Variants in HMGB1 observed in about 807,000 individuals in gnomAD.
The protein encoded by HMGB1 is high mobility group box 1.
For synonymous variants in HMGB1, 81 were observed against 84.0 expected (o/e 0.96, Z 0.19); for missense variants, 79 against 253.5 (o/e 0.31, Z 4.67).
chr13:30,485,034 CTTTTTTT>C (rs59990628), intron 1 of HMGB1, among the ~76,000 whole-genome samples: 1 of 134,568 alleles, frequency 7.4e-6, no homozygotes, highest in Admixed American at 7.8e-5. Flanking sequence ...TTTTCTTTTT[CTTTTTTT>C]TTTTTTTTGA....
chr13:30,529,061 T>G (rs982670242), intron 1 of HMGB1, among the ~76,000 whole-genome samples: 4 of 144,504 alleles, frequency 2.8e-5, no homozygotes, highest in African/African-American at 8.0e-5. Context: ...AAAAAAAGAT[T>G]GAATTTTGGA....
chr13:30,562,296 C>CA (rs59745521), intron 1 of HMGB1, among the ~76,000 whole-genome samples: 50 of 126,212 alleles, frequency 4.0e-4, no homozygotes, highest in African/African-American at 9.7e-4. Flanking sequence ...GACTCAGTCT[C>CA]AAAAAAAAAA....
intron 1 of HMGB1, among the ~76,000 whole-genome samples, chr13:30,583,976 G>A (rs1041880932): frequency 4.6e-5 from 7 of 151,780 alleles, no homozygotes; most frequent in Admixed American, 4.6e-4. Flanking sequence ...CGGTGCTCTG[G>A]TCTGGAGAGA....
chr13:30,588,888 G>C (rs560931000), intron 1 of HMGB1, among the ~76,000 whole-genome samples: 108 of 152,110 alleles, frequency 7.1e-4, no homozygotes, highest in African/African-American at 1.7e-3. Context: ...CTGCACTCCA[G>C]CCTGGGTGAC....
intron 1 of HMGB1, chr13:30,464,677 C>T (rs1161666878): frequency 5.1e-6 from 5 of 976,274 alleles, no homozygotes; most frequent in Non-Finnish European, 6.1e-6. Flanking sequence ...GGCCGGCGCG[C>T]ACGGAATGGC....
At chr13:30,597,891 T>C (rs9508805) in intron 1 of HMGB1, among the ~76,000 whole-genome samples, 79,560 of 152,026 alleles carry the variant, frequency 0.52, 23,318 homozygotes, top group African/African-American at 0.79. Flanking sequence ...GGGCTCCTTT[T>C]TCTTTCAGCA....
chr13:30,522,679 AT>A (rs1175890364), intron 1 of HMGB1, among the ~76,000 whole-genome samples: 2 of 152,096 alleles, frequency 1.3e-5, no homozygotes, highest in Admixed American at 1.3e-4. Context: ...GATGGATGTG[AT>A]ATTGGGAAAA....
intron 1 of HMGB1, among the ~76,000 whole-genome samples, chr13:30,519,209 A>G (rs772652606): frequency 2.0e-5 from 3 of 151,700 alleles, no homozygotes; most frequent in Non-Finnish European, 4.4e-5. Flanking sequence ...CCTGGCCAAC[A>G]TGGTGAAACC....
At chr13:30,505,502 G>C (rs919478525) in intron 1 of HMGB1, among the ~76,000 whole-genome samples, 4 of 151,748 alleles carry the variant, frequency 2.6e-5, no homozygotes, top group Admixed American at 2.6e-4. Flanking sequence ...AATAGAGATG[G>C]GTTTCACCAT....
At chr13:30,542,755 T>G (rs1296837964) in intron 1 of HMGB1, 1 of 214,956 alleles carries the variant, frequency 4.7e-6, no homozygotes, top group African/African-American at 2.3e-5. Context: ...GGGCACAGTC[T>G]GGCCTTCTTC....
At chr13:30,470,618 A>C (rs866079029), upstream of HMGB1, among the ~76,000 whole-genome samples, 64 of 152,212 alleles carry the variant, frequency 4.2e-4, no homozygotes, top group Admixed American at 6.5e-4. Flanking sequence ...TTGTCTGCCC[A>C]AAGATTGTTA....
At chr13:30,585,688 A>G (rs1871114398) in intron 1 of HMGB1, among the ~76,000 whole-genome samples, 1 of 152,086 alleles carries the variant, frequency 6.6e-6, no homozygotes, top group Admixed American at 6.6e-5. Flanking sequence ...TAAAAAGTAT[A>G]TAGTTGATTC....
chr13:30,512,131 T>G (rs578074364), intron 1 of HMGB1, among the ~76,000 whole-genome samples: 1 of 150,496 alleles, frequency 6.6e-6, no homozygotes, highest in Admixed American at 6.6e-5. Flanking sequence ...CTAGGCAACA[T>G]AGTGAGAGCT....
intron 1 of HMGB1, among the ~76,000 whole-genome samples, chr13:30,471,526 T>G (rs1050705031): frequency 3.3e-5 from 5 of 151,254 alleles, no homozygotes; most frequent in African/African-American, 9.7e-5. Flanking sequence ...TTTTTTTTTT[T>G]GTATTTTTAG....
At chr13:30,525,488 A>G (rs1888341921) in intron 1 of HMGB1, among the ~76,000 whole-genome samples, 1 of 152,090 alleles carries the variant, frequency 6.6e-6, no homozygotes, top group African/African-American at 2.4e-5. Context: ...CTGTCCTATG[A>G]CTCTTTAGCC....
intron 1 of HMGB1, among the ~76,000 whole-genome samples, chr13:30,563,857 A>T (rs1031254440): frequency 5.3e-5 from 8 of 152,168 alleles, no homozygotes; most frequent in Non-Finnish European, 8.8e-5. Flanking sequence ...GATTTTATGC[A>T]CCCAGTTCAT....
intron 1 of HMGB1, among the ~76,000 whole-genome samples, chr13:30,474,602 G>C (rs909236884): frequency 1.3e-5 from 2 of 152,030 alleles, no homozygotes; most frequent in African/African-American, 2.4e-5. Context: ...TCAAAGCGGT[G>C]TTTTAAAAAG....
At chr13:30,497,031 C>A (rs1458481321) in intron 1 of HMGB1, among the ~76,000 whole-genome samples, 1 of 152,124 alleles carries the variant, frequency 6.6e-6, no homozygotes, top group Non-Finnish European at 1.5e-5. Flanking sequence ...AGTCTTTCTC[C>A]CCTTCAATTA....
At chr13:30,493,181 C>A (rs1284586013) in intron 1 of HMGB1, among the ~76,000 whole-genome samples, 1 of 151,750 alleles carries the variant, frequency 6.6e-6, no homozygotes, top group Non-Finnish European at 1.5e-5. Flanking sequence ...GAACAACTGG[C>A]ATAAACCAAT....
Sources: allele counts gnomAD v4.1 joint callset (sites outside exome capture counted in the v4.1 genomes callset), GRCh38; gene constraint gnomAD v4.1.1; transcripts MANE v1.5; gene names NCBI Gene and HGNC (gene_info 2026-07-23, HGNC 2026-07-21).